The following FBXL13 variants were observed in gnomAD, a reference collection of about 807,000 sequenced individuals.
The protein encoded by FBXL13 is F-box and leucine rich repeat protein 13.
A neutral mutation model predicts 83.6 loss-of-function variants in FBXL13; 67 were observed. That is an observed-to-expected ratio of 0.80 (90% CI 0.66 to 0.98). The LOEUF is 0.98. Among genes scored for constraint, FBXL13 ranks in the 50% least tolerant of loss-of-function variants. The pLI, the probability that FBXL13 is intolerant of heterozygous loss-of-function variation, is 0.00. For missense variants in FBXL13, 822 were observed against 866.5 expected, an observed-to-expected ratio of 0.95 and a Z score of 0.64; for synonymous variants, 272 against 299.5, an observed-to-expected ratio of 0.91 and a Z score of 0.95.
chr7:102,967,943 C>T, intron 7 of FBXL13, 79 bp downstream of exon 8: 2 of 1,090,332 alleles, frequency 1.8e-6, no homozygotes, highest in Non-Finnish European at 2.7e-6. Flanking sequence ...GAAGGTGTCC[C>T]CACAACAGCT....
Position 103,073,037 on chromosome 7 carries a change from A to G in FBXL13, c.-105+1209T>C, listed in dbSNP as rs375309789. ...CCATTCTCCCTACATATTTTCAAGC[A>G]CAATTGTATAGAGGTACAACACAAA... On this transcript the variant is annotated intron_variant, in intron 1 of 19. Transcript: ENST00000313221. Among the ~76,000 whole-genome samples the G allele has an allele frequency of 1.3e-4, 20 of 152,342 alleles. No individual in the cohort carries two copies. In the East Asian group the frequency reaches 2.5e-3, roughly 19 times the overall value.
chr7:103,026,793 C>A (rs748102364), intron 5 of FBXL13, among the ~76,000 whole-genome samples: 1 of 152,116 alleles, frequency 6.6e-6, no homozygotes, highest in Non-Finnish European at 1.5e-5. Context: ...GGGGATTTAA[C>A]TTCACCCCAC....
At chr7:102,913,335 A>G in intron 10 of FBXL13, 120 bp from the exon 12 acceptor site, 7 of 1,242,344 alleles carry the variant, frequency 5.6e-6, no homozygotes, top group South Asian at 2.9e-5. Flanking sequence ...GATGTTCAAC[A>G]TTTAACTTTA....
At chr7:103,060,324 G>A (rs1043378506) in intron 1 of FBXL13, among the ~76,000 whole-genome samples, 1 of 151,680 alleles carries the variant, frequency 6.6e-6, no homozygotes, top group Non-Finnish European at 1.5e-5. Flanking sequence ...CAAAGTGCTG[G>A]GATTACAGGC....
intron 2 of FBXL13, among the ~76,000 whole-genome samples, chr7:103,033,183 T>C (rs1004991781): frequency 5.9e-5 from 9 of 152,104 alleles, no homozygotes; most frequent in Non-Finnish European, 5.9e-5. Context: ...TTTGTTTTTC[T>C]TTTTTTTCTT....
intron 18 of FBXL13, among the ~76,000 whole-genome samples, chr7:102,831,041 A>G (rs1029523085): frequency 1.3e-5 from 2 of 152,110 alleles, no homozygotes; most frequent in African/African-American, 4.8e-5. Context: ...TACGTGTGTT[A>G]TTTGTTGGGA....
At chr7:102,889,935 G>A (rs1264226245) in intron 11 of FBXL13, among the ~76,000 whole-genome samples, 2 of 151,988 alleles carry the variant, frequency 1.3e-5, no homozygotes, top group East Asian at 1.9e-4. Flanking sequence ...AGCCACAGCT[G>A]GGTGATCCTT....
In FBXL13 at chr7:102,924,195, G is replaced by A. The variant is rs183755798; in HGVS notation, c.878+2079C>T. The stretch of plus-strand genomic sequence containing the variant: ...GAAGGTTGCGGTGAGCTGAGATTGC[G>A]CCATTGCACTCCACCCTGGGCAACA... On this transcript the variant is annotated intron_variant, in intron 10 of 19. Coordinates refer to ENST00000313221, the Ensembl canonical transcript of FBXL13. 7.1e-3 allele frequency among the ~76,000 whole-genome samples: 1,050 copies of A among 146,910 alleles called. 8 individuals carry two copies. Among genetic ancestry groups the A allele is most frequent in the African/African-American group, 0.025 (988 of 39,628 alleles).
intron 8 of FBXL13, chr7:102,945,039 C>A (rs1287106351): frequency 6.5e-6 from 1 of 153,370 alleles, no homozygotes; most frequent in Non-Finnish European, 1.4e-5. Flanking sequence ...ATTCCCTACC[C>A]CTCTACTTTT....
In FBXL13 at chr7:102,963,557, G is replaced by A. The variant is rs202190502; in HGVS notation, c.700C>T (p.Arg234Ter). 9.3e-6 allele frequency: 15 copies of A among 1,612,618 alleles called. No individual in the cohort carries two copies. Among genetic ancestry groups the A allele is most frequent in the Admixed American group, 1.7e-5 (1 of 59,706 alleles). ...CTGACAGATCTGAAAGTTTTGGGTC[G>A]GAGAAGACAACCACGAAAATTCAAA... Residue 234 changes from arginine to a stop codon, truncating the protein, a stop_gained, in exon 8 of 20, where the codon CGA becomes TGA. Transcript: ENST00000313221. LOFTEE classifies it high-confidence loss of function.
intron 6 of FBXL13, among the ~76,000 whole-genome samples, chr7:103,008,973 T>C (rs1190762035): frequency 6.6e-6 from 1 of 152,178 alleles, no homozygotes; most frequent in Non-Finnish European, 1.5e-5. Context: ...AAGCATACTC[T>C]TGTTAGGTCC....
chr7:103,055,793 GT>G, intron 1 of FBXL13, 46 bp from the exon 2 acceptor site: 1 of 863,260 alleles, frequency 1.2e-6, no homozygotes, highest in Non-Finnish European at 1.6e-6. Context: ...GAATTTTCAC[GT>G]TTTTACTAAG....
At chr7:102,955,974 T>C (rs1824201778) in intron 8 of FBXL13, among the ~76,000 whole-genome samples, 1 of 152,148 alleles carries the variant, frequency 6.6e-6, no homozygotes, top group South Asian at 2.1e-4. Flanking sequence ...GGTGGCACTA[T>C]TCCTTCTGAA....
intron 10 of FBXL13, among the ~76,000 whole-genome samples, chr7:102,914,662 C>T (rs1342185619): frequency 6.6e-6 from 1 of 152,164 alleles, no homozygotes; most frequent in African/African-American, 2.4e-5. Context: ...TTACTTGATT[C>T]AGAACACACA....
intron 17 of FBXL13, among the ~76,000 whole-genome samples, chr7:102,839,933 T>G (rs1488071550): frequency 6.6e-6 from 1 of 152,146 alleles, no homozygotes; most frequent in Non-Finnish European, 1.5e-5. Flanking sequence ...AAAAATTGTG[T>G]TGTTCATTTG....
chr7:102,913,527 C>G (rs946368391), intron 10 of FBXL13, among the ~76,000 whole-genome samples: 5 of 152,068 alleles, frequency 3.3e-5, no homozygotes, highest in African/African-American at 1.2e-4. Flanking sequence ...GTGGGGGAGG[C>G]AATCATATTG....
At chr7:102,883,821 A>AT in intron 12 of FBXL13, 136 bp from the exon 14 acceptor site, 2 of 596,242 alleles carry the variant, frequency 3.4e-6, no homozygotes, top group Admixed American at 3.3e-5. Context: ...AGACAACTGG[A>AT]TTTTTCCATA....
At chr7:102,919,390 C>G (rs1232121717) in intron 10 of FBXL13, among the ~76,000 whole-genome samples, 1 of 152,078 alleles carries the variant, frequency 6.6e-6, no homozygotes, top group Non-Finnish European at 1.5e-5. Flanking sequence ...AAAGGAGATT[C>G]TTATGATAAA....
At chr7:102,854,151 GA>G (rs1296403963) in intron 17 of FBXL13, among the ~76,000 whole-genome samples, 15 of 152,032 alleles carry the variant, frequency 9.9e-5, no homozygotes, top group African/African-American at 3.6e-4. Context: ...ACTGGATTAA[GA>G]AAATGTGGCA....
Sources: gnomAD v4.1 joint callset for allele counts (sites outside exome capture counted in the v4.1 genomes callset) on GRCh38, gnomAD v4.1.1 for gene constraint, MANE v1.5 for transcripts, NCBI Gene and HGNC (gene_info 2026-07-23, HGNC 2026-07-21) for gene names.